The following CDV3 variants were observed in gnomAD, a reference collection of about 807,000 sequenced individuals.
CDV3 encodes the protein CDV3 homolog, also known as protein CDV3 homolog.
A neutral mutation model predicts 24.5 loss-of-function variants in CDV3; 14 were observed. That is an observed-to-expected ratio of 0.57 (90% CI 0.38 to 0.89). The LOEUF (loss-of-function observed/expected upper bound fraction) is 0.89, where lower values mean the gene tolerates loss of function less well. CDV3 is among the 40% of genes least tolerant of loss of function. CDV3 has a pLI of 0.00. For synonymous variants in CDV3, 114 were observed against 114.1 expected (o/e 1.00, Z 0.00); for missense variants, 304 against 310.2 (o/e 0.98, Z 0.15).
rs749283574 is a variant in CDV3 at position 133,574,023 on chromosome 3, C to T, written c.-22C>T. 1.4e-5 allele frequency: 15 copies of T among 1,100,512 alleles called. No individual in the cohort carries two copies. The highest frequency in any genetic ancestry group is 1.6e-5 in the Non-Finnish European group (14 of 891,000). The allele number at this position is 1,100,512 out of a possible 1,614,324, so 68.2% of individuals were successfully genotyped here. ...CGCGCCCGCCGCCGGCCCCACCCAT[C>T]CGGGTCGAGGAGGCCGAGGCCATGG... On this transcript the variant is annotated 5_prime_UTR_variant, in exon 1 of 5. Coordinates refer to ENST00000264993, the MANE Select transcript of CDV3 (RefSeq NM_017548.5).
At position 133,588,052 on chromosome 3, in the gene CDV3, G is replaced by T; in HGVS notation, c.*6G>T. 1 of 1,611,164 alleles carries T rather than the reference G, an allele frequency of 6.2e-7. No homozygotes were observed. The highest frequency in any genetic ancestry group is 8.5e-7 in the Non-Finnish European group (1 of 1,179,042). The stretch of plus-strand genomic sequence containing the variant: ...GCCACTCACAATACAATTAAGGAAT[G>T]GGCTTTGCTAACCCTTCTGAGGTAA... On this transcript the variant is annotated 3_prime_UTR_variant, in exon 5 of 5. Transcript: ENST00000264993.
In CDV3 at chr3:133,588,301, A is replaced by T. The variant is rs1933813497; in HGVS notation, c.*255A>T. The T allele has an allele frequency of 6.5e-7, 1 of 1,537,292 alleles. No individual in the cohort carries two copies. ...TCTTTCATATTTACTCTGCAAATAC[A>T]AAAAACCAAAACCTGCAGCCAGTGG... On this transcript the variant is annotated 3_prime_UTR_variant, in exon 5 of 5. Coordinates refer to ENST00000264993, the MANE Select transcript of CDV3 (RefSeq NM_017548.5).
rs1933878654 is a variant in CDV3 at position 133,589,000 on chromosome 3, TTGA to T, written c.*958_*960del. 1 of 152,666 alleles carries T rather than the reference TTGA, an allele frequency of 6.6e-6. No individual in the cohort carries two copies. The highest frequency in any genetic ancestry group is 1.5e-5 in the Non-Finnish European group (1 of 68,094). 9.5% of individuals were successfully genotyped at this position (152,666 alleles called of 1,614,324 possible). On this transcript the variant is annotated 3_prime_UTR_variant, in exon 5 of 5. Coordinates refer to ENST00000264993, the MANE Select transcript of CDV3 (RefSeq NM_017548.5). ...TCCTGAGGGTGGAACCAAATAGCCT[TTGA>T]TGAAAAGGGCAGTGGATTCTGGAGG...
rs1347067582 is a variant in CDV3, at chr3:133,588,269, A to G, written c.*223A>G. On this transcript the variant is annotated 3_prime_UTR_variant, in exon 5 of 5. Transcript: ENST00000264993. ...TACATAAATGTGTGAACTAGTTTCAACAGTGTTCTTTCATATTTACTCTGC... is the reference window on the plus strand; with the variant it reads ...TACATAAATGTGTGAACTAGTTTCAGCAGTGTTCTTTCATATTTACTCTGC... 1 of 1,541,960 alleles carries G rather than the reference A, an allele frequency of 6.5e-7. No individual in the cohort carries two copies. The highest frequency in any genetic ancestry group is 8.7e-7 in the Non-Finnish European group (1 of 1,146,366).
chr3:133,577,466 T>G (rs1337649376), intron 2 of CDV3, among the ~76,000 whole-genome samples: 1 of 152,060 alleles, frequency 6.6e-6, no homozygotes, highest in East Asian at 1.9e-4. Context: ...GTTCAAGCGA[T>G]TCTCCTGCCT....
chr3:133,587,580 C>T, intron 4 of CDV3: 3 of 1,112,670 alleles, frequency 2.7e-6, no homozygotes, highest in Non-Finnish European at 2.2e-6. Context: ...TTATCTATTA[C>T]TTGCTAAAAG....
At chr3:133,576,841 C>CTTGTTTTTT (rs2074827156) in intron 2 of CDV3, among the ~76,000 whole-genome samples, 1 of 62,388 alleles carries the variant, frequency 1.6e-5, no homozygotes, top group Non-Finnish European at 2.8e-5. Flanking sequence ...GGTAGACTAG[C>CTTGTTTTTT]TTTTTTTTTT....
intron 3 of CDV3, 40 bp from the exon 4 acceptor site, chr3:133,586,523 C>T: frequency 1.9e-6 from 2 of 1,033,632 alleles, no homozygotes; most frequent in Middle Eastern, 4.4e-4. Flanking sequence ...AAATGCTGAG[C>T]ATTTAAATAG....
At chr3:133,574,348 C>G (rs2074717665) in intron 1 of CDV3, 64 bp downstream of exon 1, 1 of 920,492 alleles carries the variant, frequency 1.1e-6, no homozygotes, top group Admixed American at 6.2e-5. Context: ...TGTGCCCGCC[C>G]CCGCCTGCCG....
intron 2 of CDV3, among the ~76,000 whole-genome samples, chr3:133,576,415 T>G (rs533988393): frequency 4.6e-5 from 7 of 152,332 alleles, no homozygotes; most frequent in South Asian, 2.1e-4. Context: ...CCATTTGGTG[T>G]TGTGGAACTG....
Position 133,575,089 on chromosome 3 carries a change from C to T in CDV3, c.291C>T (p.Gly97=). The T allele has an allele frequency of 3.1e-6, 5 of 1,600,550 alleles. No homozygotes were observed. In the Middle Eastern group the frequency reaches 6.6e-4, roughly 212 times the overall value. The change falls in exon 2 of 5, where the codon GGC becomes GGT. Residue 97 remains glycine, a synonymous_variant. Transcript: ENST00000264993. Reference sequence around the variant, plus strand: ...AGCAAAAAGAGGTTGATTACAGCGGCCTCAGGGTTCAGGCAATGCAAATAA... The same window carrying T: ...AGCAAAAAGAGGTTGATTACAGCGGTCTCAGGGTTCAGGCAATGCAAATAA... ...ELEQKEVDYS[G]LRVQAMQISS...
At chr3:133,578,266 C>T (rs541002325) in intron 2 of CDV3, among the ~76,000 whole-genome samples, 38 of 152,244 alleles carry the variant, frequency 2.5e-4, no homozygotes, top group African/African-American at 8.2e-4. Context: ...GCTGCTAGGC[C>T]CAGCCACTTC....
chr3:133,577,769 T>C (rs1303679641), intron 2 of CDV3, among the ~76,000 whole-genome samples: 1 of 152,218 alleles, frequency 6.6e-6, no homozygotes, highest in Admixed American at 6.5e-5. Context: ...GCAGCAAACG[T>C]ATTATATATT....
intron 4 of CDV3, chr3:133,587,474 T>C: frequency 8.8e-7 from 1 of 1,133,468 alleles, no homozygotes; most frequent in Non-Finnish European, 1.1e-6. Flanking sequence ...TCAGATCCAC[T>C]CCCACAAAAT....
intron 2 of CDV3, among the ~76,000 whole-genome samples, chr3:133,579,663 G>T (rs781483360): frequency 2.6e-5 from 4 of 151,784 alleles, no homozygotes; most frequent in African/African-American, 9.7e-5. Flanking sequence ...CGCAATCTCC[G>T]CTCACTGCAA....
intron 2 of CDV3, among the ~76,000 whole-genome samples, chr3:133,582,696 C>T (rs1184604022): frequency 1.3e-5 from 2 of 152,090 alleles, no homozygotes; most frequent in Admixed American, 6.6e-5. Flanking sequence ...TTTTGGGAAC[C>T]AGCCTTTTTT....
At chr3:133,585,043 T>G (rs1312951881) in intron 3 of CDV3, among the ~76,000 whole-genome samples, 1 of 152,140 alleles carries the variant, frequency 6.6e-6, no homozygotes, top group African/African-American at 2.4e-5. Flanking sequence ...AGATAACTAC[T>G]CTATGTTAAA....
intron 3 of CDV3, 94 bp from the exon 4 acceptor site, chr3:133,586,469 T>G: frequency 1.4e-6 from 1 of 693,244 alleles, no homozygotes; most frequent in Admixed American, 2.5e-5. Flanking sequence ...GTATTGTTTT[T>G]TCTATAATTG....
chr3:133,578,815 G>A (rs78561553), intron 2 of CDV3, among the ~76,000 whole-genome samples: 3,627 of 152,288 alleles, frequency 0.024, 67 homozygotes, highest in Non-Finnish European at 0.04. Flanking sequence ...TCCCCCTAGT[G>A]TTGGGGAAGG....
Sources: allele counts gnomAD v4.1 joint callset (sites outside exome capture counted in the v4.1 genomes callset), GRCh38; gene constraint gnomAD v4.1.1; transcripts MANE v1.5; gene names NCBI Gene and HGNC (gene_info 2026-07-23, HGNC 2026-07-21).